CSMD1: variants seen among roughly 807,000 people sequenced by gnomAD.
CSMD1 encodes the protein CUB and Sushi multiple domains 1, also known as CUB and sushi domain-containing protein 1.
Under a neutral mutation model 417.5 loss-of-function variants are expected in CSMD1, and 213 were observed. The ratio of observed to expected loss-of-function variants is 0.51; its 90% confidence interval spans 0.46 to 0.57. The LOEUF (loss-of-function observed/expected upper bound fraction) is 0.57, where lower values mean the gene tolerates loss of function less well. Among genes scored for constraint, CSMD1 ranks in the 20% least tolerant of loss-of-function variants. CSMD1 has a pLI of 0.00. For missense variants in CSMD1, 6,923 were observed against 4,529.7 expected (o/e 1.53, Z -15.17); for synonymous variants, 2,862 against 1,736.8 (o/e 1.65, Z -16.11).
intron 3 of CSMD1, among the ~76,000 whole-genome samples, chr8:4,252,089 C>G (rs951395585): frequency 6.6e-6 from 1 of 152,022 alleles, no homozygotes; most frequent in Non-Finnish European, 1.5e-5. Context: ...AACTGATGAA[C>G]AAAGAAACAG....
chr8:4,440,644 G>C (rs939945105), intron 2 of CSMD1, among the ~76,000 whole-genome samples: 7 of 152,164 alleles, frequency 4.6e-5, no homozygotes, highest in African/African-American at 1.7e-4. Flanking sequence ...AAGAAAAATT[G>C]ATTGCATACA....
intron 12 of CSMD1, among the ~76,000 whole-genome samples, chr8:3,431,500 C>T (rs1408450552): frequency 6.6e-6 from 1 of 152,130 alleles, no homozygotes; most frequent in Non-Finnish European, 1.5e-5. Context: ...CTCCCTGACC[C>T]ATCCCATCCC....
At chr8:3,782,023 A>G (rs1288997949) in intron 5 of CSMD1, among the ~76,000 whole-genome samples, 1 of 132,920 alleles carries the variant, frequency 7.5e-6, no homozygotes, top group African/African-American at 2.5e-5. Context: ...GGGATAATTT[A>G]AGAGTATCTC....
intron 5 of CSMD1, among the ~76,000 whole-genome samples, chr8:3,969,807 A>T (rs1356208761): frequency 1.3e-5 from 2 of 152,214 alleles, no homozygotes; most frequent in East Asian, 3.9e-4. Flanking sequence ...TCCTACCAAG[A>T]GAAAGACGGG....
chr8:4,977,704 C>T (rs1488387417), intron 1 of CSMD1, among the ~76,000 whole-genome samples: 2 of 152,174 alleles, frequency 1.3e-5, no homozygotes, highest in African/African-American at 4.8e-5. Flanking sequence ...CTAAGGAGGT[C>T]CCATTTGAAA....
chr8:4,735,911 G>C (rs965583993), intron 1 of CSMD1, among the ~76,000 whole-genome samples: 1 of 152,130 alleles, frequency 6.6e-6, no homozygotes, highest in Non-Finnish European at 1.5e-5. Flanking sequence ...ATTTACTGAT[G>C]AGCAGGTAAT....
intron 10 of CSMD1, among the ~76,000 whole-genome samples, chr8:3,500,048 G>A (rs1369826485): frequency 1.3e-5 from 2 of 152,104 alleles, no homozygotes; most frequent in African/African-American, 4.8e-5. Flanking sequence ...GTGGGAGTGT[G>A]ACCTGCTGGG....
chr8:3,758,071 C>T (rs539270256), intron 5 of CSMD1, among the ~76,000 whole-genome samples: 5 of 152,222 alleles, frequency 3.3e-5, no homozygotes, highest in African/African-American at 1.2e-4. Context: ...TCAAGTGATT[C>T]TCCTGCCTCA....
chr8:4,200,100 A>G (rs868008669), intron 3 of CSMD1, among the ~76,000 whole-genome samples: 2 of 152,154 alleles, frequency 1.3e-5, no homozygotes, highest in African/African-American at 2.4e-5. Flanking sequence ...GTAATAAGTT[A>G]TTTGAGATTA....
At chr8:3,218,299 C>T (rs113240666) in intron 29 of CSMD1, among the ~76,000 whole-genome samples, 3,085 of 152,088 alleles carry the variant, frequency 0.02, 104 homozygotes, top group African/African-American at 0.068. Flanking sequence ...CGGTGGCTCA[C>T]GCCTGTAATC....
At chr8:4,165,200 A>G (rs1447262472) in intron 3 of CSMD1, among the ~76,000 whole-genome samples, 1 of 152,150 alleles carries the variant, frequency 6.6e-6, no homozygotes, top group East Asian at 1.9e-4. Context: ...TCAGCAACCC[A>G]AAGAGCTACA....
chr8:3,503,977 G>T (rs1030301665), intron 10 of CSMD1, among the ~76,000 whole-genome samples: 2 of 152,084 alleles, frequency 1.3e-5, no homozygotes, highest in African/African-American at 4.8e-5. Context: ...GGTTGATTTT[G>T]GGGTATGAAA....
chr8:3,158,064 T>C, intron 38 of CSMD1, 98 bp from the exon 39 acceptor site: 1 of 994,634 alleles, frequency 1.0e-6, no homozygotes, highest in South Asian at 1.6e-5. Flanking sequence ...TTTCTTGTTT[T>C]AATTATAAAT....
At chr8:4,496,954 A>G (rs1417489247) in intron 2 of CSMD1, among the ~76,000 whole-genome samples, 1 of 152,342 alleles carries the variant, frequency 6.6e-6, no homozygotes, top group East Asian at 1.9e-4. Context: ...AAGCAAACTA[A>G]TAGCTTACAA....
intron 4 of CSMD1, among the ~76,000 whole-genome samples, chr8:4,019,605 A>G (rs1796689517): frequency 6.6e-6 from 1 of 152,164 alleles, no homozygotes; most frequent in African/African-American, 2.4e-5. Flanking sequence ...GCTTGTTGTC[A>G]GAAGACAAGT....
At chr8:4,189,532 C>A (rs4875304) in intron 3 of CSMD1, among the ~76,000 whole-genome samples, 122,567 of 151,686 alleles carry the variant, frequency 0.81, 49,638 homozygotes, top group South Asian at 0.87. Flanking sequence ...GATCAATCAA[C>A]TTTATGGTTA....
intron 5 of CSMD1, among the ~76,000 whole-genome samples, chr8:3,815,783 A>G (rs1801336716): frequency 6.6e-6 from 1 of 152,152 alleles, no homozygotes; most frequent in Admixed American, 6.6e-5. Context: ...TTTGATCTAT[A>G]GTAGTGAGCT....
intron 8 of CSMD1, among the ~76,000 whole-genome samples, chr8:3,589,688 A>G (rs1026232941): frequency 1.3e-5 from 2 of 152,196 alleles, no homozygotes. Flanking sequence ...ACTACACAGC[A>G]TGGTGACTGT....
chr8:4,080,206 T>C (rs990776066), intron 3 of CSMD1, among the ~76,000 whole-genome samples: 1 of 152,048 alleles, frequency 6.6e-6, no homozygotes, highest in African/African-American at 2.4e-5. Flanking sequence ...AGCTCCCCAG[T>C]AGTAATAGTT....
Sources: allele counts gnomAD v4.1 joint callset (sites outside exome capture counted in the v4.1 genomes callset), GRCh38; gene constraint gnomAD v4.1.1; transcripts MANE v1.5; gene names NCBI Gene and HGNC (gene_info 2026-07-23, HGNC 2026-07-21).